The following PTPRD variants were observed in gnomAD, a reference collection of about 807,000 sequenced individuals.
PTPRD encodes the protein receptor-type tyrosine-protein phosphatase delta.
Under a neutral mutation model 214.5 loss-of-function variants are expected in PTPRD, and 34 were observed. The ratio of observed to expected loss-of-function variants is 0.16; its 90% CI spans 0.12 to 0.21. PTPRD has a LOEUF of 0.21. Among genes scored for constraint, PTPRD ranks in the 10% least tolerant of loss-of-function variants. The pLI is 1.00. For synonymous variants in PTPRD, 1,128 were observed against 845.7 expected, an observed-to-expected ratio of 1.33 and a Z score of -5.79; for missense variants, 2,545 against 2,398.7, an observed-to-expected ratio of 1.06 and a Z score of -1.27.
intron 4 of PTPRD, among the ~76,000 whole-genome samples, chr9:10,029,127 A>T (rs2096994747): frequency 6.6e-6 from 1 of 152,220 alleles, no homozygotes; most frequent in Non-Finnish European, 1.5e-5. Flanking sequence ...GCCTGTGACT[A>T]CACAGAAGTC....
rs886945946 is a variant in PTPRD, at chr9:9,063,230, A to T, written c.-142-44495T>A. The stretch of plus-strand genomic sequence containing the variant: ...TATCTCATCTTTAATATGAGATAGA[A>T]AAAAACAGTAGATAAACTTGAAGAT... On this transcript the variant is annotated intron_variant, in intron 10 of 45. Transcript: ENST00000381196. Among the ~76,000 whole-genome samples the T allele has an allele frequency of 3.3e-5, 5 of 152,176 alleles. No homozygotes were observed. The South Asian group carries it at 6.2e-4, about 19-fold the overall frequency.
intron 6 of PTPRD, among the ~76,000 whole-genome samples, chr9:9,739,673 T>C (rs1048645047): frequency 6.6e-6 from 1 of 152,058 alleles, no homozygotes; most frequent in Non-Finnish European, 1.5e-5. Context: ...CTCTGTTGTA[T>C]GCAGTACAAT....
intron 4 of PTPRD, among the ~76,000 whole-genome samples, chr9:10,033,310 G>T (rs13297381): frequency 0.13 from 19,775 of 151,620 alleles, 2,925 homozygotes; most frequent in African/African-American, 0.36. Flanking sequence ...GGCATAAAAT[G>T]TATATATAAT....
chr9:9,223,994 A>G (rs2133490982), intron 9 of PTPRD, among the ~76,000 whole-genome samples: 1 of 152,164 alleles, frequency 6.6e-6, no homozygotes, highest in South Asian at 2.1e-4. Flanking sequence ...GAATATAACA[A>G]ATGTATTTCT....
At chr9:8,488,421 G>C (rs1040015845) in intron 27 of PTPRD, among the ~76,000 whole-genome samples, 1 of 152,160 alleles carries the variant, frequency 6.6e-6, no homozygotes, top group Non-Finnish European at 1.5e-5. Context: ...CATGTGTGCT[G>C]TGTTATACAT....
At chr9:9,594,629 G>C (rs189424773) in intron 7 of PTPRD, among the ~76,000 whole-genome samples, 2 of 152,154 alleles carry the variant, frequency 1.3e-5, no homozygotes, top group East Asian at 3.9e-4. Flanking sequence ...CCATTGGTCT[G>C]TGTGCCTATT....
intron 3 of PTPRD, among the ~76,000 whole-genome samples, chr9:10,151,658 A>G (rs1038586348): frequency 2.0e-5 from 3 of 152,140 alleles, no homozygotes; most frequent in Non-Finnish European, 2.9e-5. Flanking sequence ...GTTTTGGTAA[A>G]TGCATGTAGC....
At chr9:9,521,583 A>G (rs558029943) in intron 8 of PTPRD, among the ~76,000 whole-genome samples, 5 of 152,296 alleles carry the variant, frequency 3.3e-5, no homozygotes, top group African/African-American at 1.2e-4. Context: ...CTCTGCATAC[A>G]TGAAATCACT....
intron 14 of PTPRD, among the ~76,000 whole-genome samples, chr9:8,618,899 TGTCTGTG>T (rs2095707383): frequency 7.2e-6 from 1 of 139,110 alleles, no homozygotes; most frequent in African/African-American, 2.7e-5. Flanking sequence ...TGTGTGTGTT[TGTCTGTG>T]TTTTTTTGTT....
intron 10 of PTPRD, among the ~76,000 whole-genome samples, chr9:9,158,747 A>C (rs1007713006): frequency 1.3e-5 from 2 of 152,210 alleles, no homozygotes; most frequent in Non-Finnish European, 2.9e-5. Context: ...TCAGAAAAAG[A>C]TACTACAAAA....
intron 3 of PTPRD, among the ~76,000 whole-genome samples, chr9:10,180,111 C>G (rs2099273474): frequency 6.6e-6 from 1 of 151,946 alleles, no homozygotes; most frequent in Non-Finnish European, 1.5e-5. Flanking sequence ...CTATAATACA[C>G]ACATACAGTT....
chr9:8,333,418 T>C (rs1004265079), intron 43 of PTPRD, among the ~76,000 whole-genome samples: 62 of 151,368 alleles, frequency 4.1e-4, no homozygotes, highest in African/African-American at 1.5e-3. Flanking sequence ...AACAATACTG[T>C]AATTTTCAAC....
At chr9:8,854,311 G>A (rs1428963891) in intron 11 of PTPRD, among the ~76,000 whole-genome samples, 1 of 151,960 alleles carries the variant, frequency 6.6e-6, no homozygotes, top group Non-Finnish European at 1.5e-5. Flanking sequence ...ACTAAAGAAG[G>A]GTTGTTTTAA....
At chr9:10,420,832 T>C (rs1714441849) in intron 2 of PTPRD, among the ~76,000 whole-genome samples, 2 of 151,872 alleles carry the variant, frequency 1.3e-5, no homozygotes, top group African/African-American at 2.4e-5. Context: ...CAGAGTTAGG[T>C]ACCTTCTTTT....
intron 3 of PTPRD, among the ~76,000 whole-genome samples, chr9:10,240,357 G>C (rs1041800274): frequency 2.2e-4 from 33 of 151,786 alleles, no homozygotes; most frequent in African/African-American, 7.7e-4. Flanking sequence ...CCTTATGATA[G>C]AGAGGAAAGG....
intron 9 of PTPRD, among the ~76,000 whole-genome samples, chr9:9,270,549 G>C (rs1942424931): frequency 6.6e-6 from 1 of 151,378 alleles, no homozygotes. Context: ...GAACTACAGA[G>C]TATAATGTGC....
intron 7 of PTPRD, among the ~76,000 whole-genome samples, chr9:9,580,219 T>C (rs976457008): frequency 4.6e-5 from 7 of 152,182 alleles, no homozygotes; most frequent in African/African-American, 1.4e-4. Flanking sequence ...CCTTCGGGTA[T>C]ATATCAAGTA....
At chr9:9,371,263 G>C (rs753777194) in intron 9 of PTPRD, among the ~76,000 whole-genome samples, 4 of 151,988 alleles carry the variant, frequency 2.6e-5, no homozygotes, top group Non-Finnish European at 5.9e-5. Context: ...TGGTTGGTAA[G>C]GTATTAATTA....
intron 8 of PTPRD, among the ~76,000 whole-genome samples, chr9:9,541,007 G>C (rs886255491): frequency 1.3e-5 from 2 of 151,528 alleles, no homozygotes. Context: ...AACTAAAAAG[G>C]ACTAAATAGA....
Sources: allele counts gnomAD v4.1 joint callset (sites outside exome capture counted in the v4.1 genomes callset), GRCh38; gene constraint gnomAD v4.1.1; transcripts MANE v1.5; gene names NCBI Gene and HGNC (gene_info 2026-07-23, HGNC 2026-07-21).